ZNF608: variants seen among roughly 807,000 people sequenced by gnomAD.
The protein encoded by ZNF608 is zinc finger protein 608, also known as renal carcinoma antigen NY-REN-36.
In ZNF608, 12 loss-of-function variants were observed where a neutral mutation model predicts 109.0. That is an observed-to-expected ratio of 0.11 (90% confidence interval 0.07 to 0.18). The LOEUF (loss-of-function observed/expected upper bound fraction) is 0.18, where lower values mean the gene tolerates loss of function less well. Among genes scored for constraint, ZNF608 ranks in the 10% least tolerant of loss-of-function variants. The pLI, the probability that ZNF608 is intolerant of heterozygous loss-of-function variation, is 1.00. For missense variants in ZNF608, 1,707 were observed against 1,879.3 expected (o/e 0.91, Z 1.70); for synonymous variants, 732 against 717.4 (o/e 1.02, Z -0.33).
At chr5:124,650,228 A>G (rs183507875) in intron 3 of ZNF608, among the ~76,000 whole-genome samples, 319 of 152,342 alleles carry the variant, frequency 2.1e-3, no homozygotes, top group Non-Finnish European at 2.9e-3. Flanking sequence ...TGGGGACTCA[A>G]GAGTCCAGAT....
intron 2 of ZNF608, among the ~76,000 whole-genome samples, chr5:124,718,168 T>A (rs1282542032): frequency 6.6e-6 from 1 of 152,268 alleles, no homozygotes; most frequent in Middle Eastern, 3.4e-3. Context: ...TTGGAGTAGG[T>A]AGCAAAAGCA....
At chr5:124,713,932 C>A (rs1412572968) in intron 2 of ZNF608, among the ~76,000 whole-genome samples, 2 of 152,174 alleles carry the variant, frequency 1.3e-5, no homozygotes, top group Admixed American at 6.5e-5. Context: ...CTACCTAACT[C>A]TCTTAAAAAA....
chr5:124,665,539 G>A (rs1340037940), intron 3 of ZNF608, among the ~76,000 whole-genome samples: 1 of 152,108 alleles, frequency 6.6e-6, no homozygotes, highest in Non-Finnish European at 1.5e-5. Context: ...TGTCTCAGTT[G>A]GTTCTTTCCT....
intron 3 of ZNF608, among the ~76,000 whole-genome samples, chr5:124,700,486 G>T (rs1417829047): frequency 1.3e-5 from 2 of 152,238 alleles, no homozygotes; most frequent in African/African-American, 4.8e-5. Context: ...CCATAGAAGA[G>T]AAGTGACCGG....
At chr5:124,747,168 C>CTTT (rs375960252), upstream of ZNF608, among the ~76,000 whole-genome samples, 2 of 135,786 alleles carry the variant, frequency 1.5e-5, no homozygotes, top group African/African-American at 5.4e-5. Context: ...TTTTTGTTTT[C>CTTT]TTTTTTTTTT....
chr5:124,708,554 A>G (rs544231982), intron 2 of ZNF608, among the ~76,000 whole-genome samples: 1 of 152,348 alleles, frequency 6.6e-6, no homozygotes, highest in South Asian at 2.1e-4. Context: ...TCAGGCTTGC[A>G]AGCAAATAAT....
chr5:124,646,895 G>T lies in ZNF608; in HGVS notation c.3489C>A (p.Asn1163Lys), dbSNP rs942572108. ...ISKAPSTPEP[N>K]KNHSKLGPSV... ...ATGGCCCTAGTTTAGAATGGTTTTTGTTAGGCTCCGGAGTAGAGGGAGCTT... is the reference window on the plus strand; with the variant it reads ...ATGGCCCTAGTTTAGAATGGTTTTTTTTAGGCTCCGGAGTAGAGGGAGCTT... The change falls in exon 5 of 10, where the codon AAC becomes AAA. Residue 1163 changes from asparagine to lysine, a missense_variant. Around this residue, in one of 7 missense-constraint regions of ZNF608, gnomAD observed 1,073 missense variants for 1,133.5 expected, o/e 0.95. Transcript: ENST00000513986. 2 of 1,614,070 alleles carry T rather than the reference G, an allele frequency of 1.2e-6. No homozygotes were observed. The highest frequency in any genetic ancestry group is 1.7e-5 in the Admixed American group (1 of 60,000).
At chr5:124,740,780 C>T (rs1239246355) in intron 2 of ZNF608, among the ~76,000 whole-genome samples, 2 of 152,144 alleles carry the variant, frequency 1.3e-5, no homozygotes, top group African/African-American at 4.8e-5. Context: ...ACTATATGAC[C>T]TCTTGTGCCT....
chr5:124,713,947 A>C (rs1261137140), intron 2 of ZNF608, among the ~76,000 whole-genome samples: 1 of 152,216 alleles, frequency 6.6e-6, no homozygotes, highest in Admixed American at 6.5e-5. Context: ...AAAAAAACCT[A>C]GGAGTCATAA....
chr5:124,643,679 T>C lies in ZNF608; in HGVS notation c.4128A>G (p.Ala1376=), dbSNP rs753537785. The change falls in exon 7 of 10, where the codon GCA becomes GCG. Residue 1376 remains alanine, a synonymous_variant. Transcript: ENST00000513986. ...SPVLMHSYPG[A]YLSPGFHYPV... ...GATAATGAAATCCTGGAGAGAGATA[T>C]GCCCCTGCAGATAAACAACAAATGC... 1.9e-6 allele frequency: 3 copies of C among 1,614,134 alleles called. No individual in the cohort carries two copies. The highest frequency in any genetic ancestry group is 1.3e-5 in the African/African-American group (1 of 75,046).
At chr5:124,748,518 C>A, upstream of ZNF608, 2 of 985,120 alleles carry the variant, frequency 2.0e-6, no homozygotes, top group Non-Finnish European at 2.4e-6. Context: ...AGACACACCA[C>A]GCAACCGTAC....
At chr5:124,747,913 C>A (rs1389948713), upstream of ZNF608, among the ~76,000 whole-genome samples, 2 of 152,098 alleles carry the variant, frequency 1.3e-5, no homozygotes, top group Non-Finnish European at 2.9e-5. Context: ...AAAGAAAAAC[C>A]TTTTGCTTGC....
Position 124,744,437 on chromosome 5 carries a change from C to T in ZNF608, c.553G>A (p.Gly185Arg). The T allele has an allele frequency of 6.2e-7, 1 of 1,614,226 alleles. No individual in the cohort carries two copies. Residue 185 changes from glycine (G) to arginine (R), a missense_variant, in exon 2 of 10, where the codon GGG (glycine) becomes AGG (arginine). Around this residue, in one of 7 missense-constraint regions of ZNF608, gnomAD observed 407 missense variants for 398.7 expected, o/e 1.02. Coordinates refer to ENST00000513986, the MANE Select transcript of ZNF608 (RefSeq NM_020747.3). The surrounding 1 kb of genome is among the most constrained non-coding windows in gnomAD (Gnocchi z 4.5). ...CCTGGCTTCTCCTCTTTGCTTTTCC[C>T]ACAGGAGCCTGCCCCCGCGGTGGCG... is the stretch of plus-strand genomic sequence containing the variant. Reference protein sequence around the residue: ...SAATAGAGSCGKSKEEKPGKS... With the variant: ...SAATAGAGSCRKSKEEKPGKS...
chr5:124,721,903 C>T (rs1176854084), intron 2 of ZNF608, among the ~76,000 whole-genome samples: 1 of 128,904 alleles, frequency 7.8e-6, no homozygotes, highest in Non-Finnish European at 1.6e-5. Context: ...GATCGTACCA[C>T]TGCACTCCAG....
chr5:124,672,815 T>C (rs913100956), intron 3 of ZNF608, among the ~76,000 whole-genome samples: 14 of 152,316 alleles, frequency 9.2e-5, no homozygotes, highest in South Asian at 6.2e-4. Context: ...GGCAAAACTC[T>C]CAGATCTTAA....
chr5:124,702,668 C>T (rs918275556), intron 2 of ZNF608, among the ~76,000 whole-genome samples: 2 of 152,146 alleles, frequency 1.3e-5, no homozygotes, highest in Admixed American at 6.5e-5. Flanking sequence ...GATAAACTGA[C>T]GTTCACTTGC....
intron 3 of ZNF608, among the ~76,000 whole-genome samples, chr5:124,651,836 C>G (rs1345622557): frequency 6.6e-6 from 1 of 152,226 alleles, no homozygotes; most frequent in Non-Finnish European, 1.5e-5. Context: ...GTGGCGGAGG[C>G]AAAGGGACGC....
At chr5:124,710,205 TAAG>T (rs1202557605) in intron 2 of ZNF608, 1 of 455,990 alleles carries the variant, frequency 2.2e-6, no homozygotes, top group Admixed American at 2.4e-5. Flanking sequence ...GACATGATTT[TAAG>T]AAGAAAGAAA....
intron 3 of ZNF608, among the ~76,000 whole-genome samples, chr5:124,662,166 A>G (rs760305661): frequency 6.6e-6 from 1 of 152,238 alleles, no homozygotes; most frequent in Non-Finnish European, 1.5e-5. Context: ...ATGATGACTT[A>G]AATTGTCTTC....
Sources: allele counts gnomAD v4.1 joint callset (sites outside exome capture counted in the v4.1 genomes callset), GRCh38; gene constraint gnomAD v4.1.1; regional missense constraint gnomAD v4.1.1; non-coding constraint Gnocchi (gnomAD v3.1); transcripts MANE v1.5; gene names NCBI Gene and HGNC (gene_info 2026-07-23, HGNC 2026-07-21).